SETD2: variants seen among roughly 807,000 people sequenced by gnomAD.
The protein encoded by SETD2 is histone-lysine N-methyltransferase SETD2.
SETD2 carries 31 observed loss-of-function variants against 242.1 expected under a neutral mutation model. The observed-to-expected ratio is 0.13, with a 90% CI of 0.10 to 0.17. The LOEUF (loss-of-function observed/expected upper bound fraction) is 0.17. Ranked by LOEUF, SETD2 falls within the 10% of genes least tolerant of loss-of-function variation. The pLI, the probability that SETD2 is intolerant of heterozygous loss-of-function variation, is 1.00. For synonymous variants in SETD2, 1,006 were observed against 1,066.5 expected (o/e 0.94, Z 1.11); for missense variants, 2,481 against 3,046.3 (o/e 0.81, Z 4.37).
Position 47,037,789 on chromosome 3 carries a change from C to T in SETD2, c.7239-12G>A, listed in dbSNP as rs1267795072. On this transcript the variant is annotated splice_polypyrimidine_tract_variant and intron_variant, in intron 17 of 20. Transcript: ENST00000409792. ...CCCACTGAGTCTGCCTAGAAAGAGA[C>T]AAAAACAGCCATGCTGTCAGGGCTA... 3 of 1,586,282 alleles carry T rather than the reference C, an allele frequency of 1.9e-6. No individual in the cohort carries two copies. Among genetic ancestry groups the T allele is most frequent in the Admixed American group, 1.7e-5 (1 of 59,926 alleles).
At chr3:47,034,929 C>A (rs1422027502) in intron 18 of SETD2, among the ~76,000 whole-genome samples, 2 of 152,040 alleles carry the variant, frequency 1.3e-5, no homozygotes, top group African/African-American at 4.8e-5. Context: ...ATTTAGAGAT[C>A]CAAAGTTCCA....
intron 13 of SETD2, among the ~76,000 whole-genome samples, chr3:47,063,651 C>A (rs546071916): frequency 1.3e-5 from 2 of 152,278 alleles, no homozygotes; most frequent in East Asian, 3.9e-4. Flanking sequence ...CTAAGTACTA[C>A]TTTTCACTGA....
intron 18 of SETD2, among the ~76,000 whole-genome samples, chr3:47,028,377 CA>C: frequency 6.6e-6 from 1 of 152,258 alleles, no homozygotes; most frequent in Non-Finnish European, 1.5e-5. Flanking sequence ...TCAGAGCTCA[CA>C]AAAGGCTGGG....
chr3:47,072,192 C>T (rs2040852638), intron 12 of SETD2, among the ~76,000 whole-genome samples: 1 of 152,072 alleles, frequency 6.6e-6, no homozygotes, highest in Non-Finnish European at 1.5e-5. Flanking sequence ...CCTGTAGTCC[C>T]AGCTACTGGG....
intron 15 of SETD2, among the ~76,000 whole-genome samples, chr3:47,048,493 A>G (rs2039635753): frequency 6.6e-6 from 1 of 152,178 alleles, no homozygotes; most frequent in Non-Finnish European, 1.5e-5. Flanking sequence ...GTGAGTGAAT[A>G]TGAAGGCCTA....
chr3:47,157,009 T>C (rs2044140820), intron 1 of SETD2, among the ~76,000 whole-genome samples: 2 of 151,930 alleles, frequency 1.3e-5, no homozygotes, highest in Admixed American at 1.3e-4. Flanking sequence ...GGCTCACGAC[T>C]ATAATCCCAG....
chr3:47,077,395 T>C (rs2041135568), intron 12 of SETD2, among the ~76,000 whole-genome samples: 1 of 152,114 alleles, frequency 6.6e-6, no homozygotes, highest in Non-Finnish European at 1.5e-5. Context: ...CTGTGCCCTA[T>C]TTAACATGTA....
At chr3:47,098,790 T>C (rs2042099791) in intron 8 of SETD2, among the ~76,000 whole-genome samples, 1 of 152,074 alleles carries the variant, frequency 6.6e-6, no homozygotes, top group Admixed American at 6.6e-5. Context: ...AGTAAGACTC[T>C]GTCTCAAAAA....
chr3:47,079,500 T>C (rs950178847), intron 12 of SETD2, among the ~76,000 whole-genome samples: 1 of 152,190 alleles, frequency 6.6e-6, no homozygotes, highest in African/African-American at 2.4e-5. Flanking sequence ...GGAAACAGAA[T>C]TAAGAGCTCA....
chr3:47,105,357 C>G (rs1214972288), intron 6 of SETD2, among the ~76,000 whole-genome samples: 1 of 149,296 alleles, frequency 6.7e-6, no homozygotes, highest in East Asian at 2.0e-4. Flanking sequence ...TTGCAATGAG[C>G]CAAGATGGCA....
At chr3:47,108,368 T>C (rs954891369) in intron 5 of SETD2, among the ~76,000 whole-genome samples, 2 of 152,094 alleles carry the variant, frequency 1.3e-5, no homozygotes, top group Non-Finnish European at 2.9e-5. Context: ...AAAATAAAAA[T>C]AAAGCATATT....
In SETD2 at chr3:47,151,525, T is replaced by C. The variant is rs183080468; in HGVS notation, c.71+12329A>G. On this transcript the variant is annotated intron_variant, in intron 1 of 20. Coordinates refer to ENST00000409792, the MANE Select transcript of SETD2 (RefSeq NM_014159.7). ...CTCCCAGTTTCATATCCTGACACCA[T>C]CATGATCTTCTCTAAGAGCATGCCG... Among the ~76,000 whole-genome samples the C allele has an allele frequency of 2.0e-3, 305 of 152,170 alleles. 7 individuals carry two copies. Among genetic ancestry groups the C allele is most frequent in the East Asian group, 7.7e-4 (4 of 5,168 alleles).
chr3:47,084,984 G>A (rs9812407), intron 11 of SETD2, among the ~76,000 whole-genome samples: 6,394 of 151,414 alleles, frequency 0.042, 463 homozygotes, highest in African/African-American at 0.15. Context: ...ACCTGCCTCA[G>A]CCTCCCAAAC....
In SETD2 at chr3:47,123,844, T is replaced by C; in HGVS notation, c.792A>G (p.Glu264=). ...TKQDTISNSL[E]EHVTQILNEQ... is the part of the protein sequence containing the mutation. ...CATTCAATATTTGAGTTACGTGTTC[T>C]TCTAAACTATTAGATATAGTGTCCT... Residue 264 remains glutamate, a synonymous_variant, in exon 3 of 21, where the codon GAA becomes GAG. Coordinates refer to ENST00000409792, the MANE Select transcript of SETD2 (RefSeq NM_014159.7). 6.5e-7 allele frequency: 1 copy of C among 1,549,828 alleles called. No homozygotes were observed. The highest frequency in any genetic ancestry group is 2.0e-5 in the Admixed American group (1 of 50,868).
In SETD2 at chr3:47,122,031, C is replaced by T. The variant is rs2106667202; in HGVS notation, c.2605G>A (p.Asp869Asn). 6.2e-7 allele frequency: 1 copy of T among 1,613,852 alleles called. No homozygotes were observed. The highest frequency in any genetic ancestry group is 8.5e-7 in the Non-Finnish European group (1 of 1,179,948). Residue 869 changes from aspartate (D) to asparagine (N), a missense_variant, in exon 3 of 21, where the codon GAT (aspartate) becomes AAT (asparagine). Physicochemically the swap from Asp to Asn is conservative, Grantham distance 23. This residue lies in a region of SETD2 where 1,300 missense variants were observed against 1,259.2 expected (regional missense o/e 1.03). Transcript: ENST00000409792. ...GAACTCCCAATAGGTTGATATAAAT[C>T]ATCAAAATGATTAACAGAAGCTGAA... is the stretch of plus-strand genomic sequence containing the variant. ...TSSASVNHFD[D>N]LYQPIGSSGI...
chr3:47,153,475 CA>C (rs1408614055), intron 1 of SETD2, among the ~76,000 whole-genome samples: 4 of 152,184 alleles, frequency 2.6e-5, no homozygotes, highest in African/African-American at 9.7e-5. Flanking sequence ...AGGCCAGGCA[CA>C]GGGGTGCCCA....
chr3:47,049,147 T>C (rs965472255), intron 15 of SETD2, among the ~76,000 whole-genome samples: 11 of 151,556 alleles, frequency 7.3e-5, no homozygotes, highest in African/African-American at 2.7e-4. Flanking sequence ...TTTCGCTATG[T>C]TGTCTAGGCT....
intron 15 of SETD2, among the ~76,000 whole-genome samples, chr3:47,047,504 G>T (rs1355589636): frequency 6.6e-6 from 1 of 152,166 alleles, no homozygotes. Flanking sequence ...TATGGACTGA[G>T]ATTCTAGCAG....
chr3:47,032,015 T>C (rs1454130112), intron 18 of SETD2, among the ~76,000 whole-genome samples: 3 of 152,218 alleles, frequency 2.0e-5, no homozygotes, highest in Non-Finnish European at 2.9e-5. Flanking sequence ...TGAAGTCTCA[T>C]TGCCTTCTGC....
Sources: allele counts gnomAD v4.1 joint callset (sites outside exome capture counted in the v4.1 genomes callset), GRCh38; gene constraint gnomAD v4.1.1; regional missense constraint gnomAD v4.1.1; transcripts MANE v1.5; gene names NCBI Gene and HGNC (gene_info 2026-07-23, HGNC 2026-07-21).